The following LMLN variants were observed in gnomAD, a reference collection of about 807,000 sequenced individuals.
LMLN encodes the protein leishmanolysin like peptidase, also known as leishmanolysin-like peptidase.
Under a neutral mutation model 92.3 loss-of-function variants are expected in LMLN, and 70 were observed. The observed-to-expected ratio is 0.76, with a 90% CI of 0.63 to 0.92. The LOEUF is 0.92. Among genes scored for constraint, LMLN ranks in the 40% least tolerant of loss-of-function variants. LMLN has a pLI of 0.00. For synonymous variants in LMLN, 308 were observed against 296.2 expected, an observed-to-expected ratio of 1.04 and a Z score of -0.41; for missense variants, 691 against 814.6, an observed-to-expected ratio of 0.85 and a Z score of 1.85.
chr3:198,018,578 T>C (rs937848792), intron 11 of LMLN, among the ~76,000 whole-genome samples: 2 of 152,258 alleles, frequency 1.3e-5, no homozygotes, highest in African/African-American at 4.8e-5. Flanking sequence ...TAAAGATGTA[T>C]GCTGAGACAC....
chr3:198,032,360 G>T (rs1723100988), intron 14 of LMLN, among the ~76,000 whole-genome samples: 1 of 152,086 alleles, frequency 6.6e-6, no homozygotes, highest in Non-Finnish European at 1.5e-5. Flanking sequence ...TTTCATGATG[G>T]CATCCCAGCT....
chr3:197,980,296 C>G (rs751620178), intron 5 of LMLN, 30 bp from the exon 6 acceptor site: 1 of 1,592,142 alleles, frequency 6.3e-7, no homozygotes, highest in South Asian at 1.1e-5. Flanking sequence ...TGTCTCTGTT[C>G]TGGCTTTCTG....
chr3:197,975,994 A>T, intron 3 of LMLN, 35 bp from the exon 4 acceptor site: 2 of 1,245,374 alleles, frequency 1.6e-6, no homozygotes, highest in Non-Finnish European at 2.3e-6. Flanking sequence ...TCTTCCTTAT[A>T]ATTCTGTTTC....
At chr3:197,986,634 C>T (rs1051310428) in intron 8 of LMLN, among the ~76,000 whole-genome samples, 21 of 152,256 alleles carry the variant, frequency 1.4e-4, no homozygotes, top group African/African-American at 5.1e-4. Flanking sequence ...TATTTTCTGG[C>T]TGGCTTTGTT....
intron 4 of LMLN, 157 bp downstream of exon 4, chr3:197,976,268 C>A: frequency 1.9e-6 from 1 of 526,000 alleles, no homozygotes; most frequent in Non-Finnish European, 3.4e-6. Context: ...TAAAAAAGCA[C>A]CTGCTGGATA....
intron 6 of LMLN, among the ~76,000 whole-genome samples, chr3:197,982,986 T>C (rs1721601113): frequency 6.6e-6 from 1 of 152,210 alleles, no homozygotes; most frequent in Non-Finnish European, 1.5e-5. Flanking sequence ...CAGGATTGTT[T>C]TCTTCCAAGT....
At chr3:198,013,144 C>A (rs1722501320) in intron 11 of LMLN, among the ~76,000 whole-genome samples, 3 of 129,166 alleles carry the variant, frequency 2.3e-5, no homozygotes, top group Non-Finnish European at 4.8e-5. Flanking sequence ...CTCAGAGCCC[C>A]CTAACTAGTC....
chr3:197,996,849 A>T (rs1006701378), intron 10 of LMLN, among the ~76,000 whole-genome samples: 1 of 152,132 alleles, frequency 6.6e-6, no homozygotes, highest in Admixed American at 6.6e-5. Context: ...GCATGATCAT[A>T]GCACACTACA....
intron 8 of LMLN, among the ~76,000 whole-genome samples, chr3:197,989,599 C>A (rs1402251092): frequency 6.6e-6 from 1 of 152,188 alleles, no homozygotes; most frequent in African/African-American, 2.4e-5. Context: ...GGAAGTAATT[C>A]ATCGTCATCT....
intron 15 of LMLN, 97 bp downstream of exon 16, chr3:198,036,140 CAAGTT>C: frequency 9.2e-7 from 1 of 1,086,496 alleles, no homozygotes; most frequent in Non-Finnish European, 1.4e-6. Flanking sequence ...AGCTCTAAAA[CAAGTT>C]GAGTTTCTTC....
At chr3:197,962,767 CTTTT>C (rs200108423) in intron 1 of LMLN, among the ~76,000 whole-genome samples, 7 of 135,414 alleles carry the variant, frequency 5.2e-5, no homozygotes, top group Admixed American at 7.5e-5. Flanking sequence ...GATCAATATC[CTTTT>C]TTTTTTTTTT....
chr3:198,011,117 T>C (rs1299856927), intron 11 of LMLN, among the ~76,000 whole-genome samples: 1 of 150,090 alleles, frequency 6.7e-6, no homozygotes. Context: ...TTGATATAAG[T>C]TTTTTATTTT....
intron 11 of LMLN, among the ~76,000 whole-genome samples, chr3:198,012,639 A>C (rs980920100): frequency 7.3e-5 from 11 of 149,732 alleles, no homozygotes; most frequent in African/African-American, 2.7e-4. Flanking sequence ...AACTAGTCTG[A>C]CTTCTCTCCA....
chr3:197,972,803 G>A (rs558901930), intron 1 of LMLN, among the ~76,000 whole-genome samples: 4 of 151,632 alleles, frequency 2.6e-5, no homozygotes, highest in Admixed American at 6.6e-5. Flanking sequence ...GGGTTTTATC[G>A]CATACATATG....
chr3:197,975,471 A>ACACACACATGCACGCATG (rs1721343793), intron 3 of LMLN, among the ~76,000 whole-genome samples: 1 of 152,190 alleles, frequency 6.6e-6, no homozygotes, highest in African/African-American at 2.4e-5. Context: ...GTGTGGAGAC[A>ACACACACATGCACGCATG]CACACACATG....
chr3:197,960,462 C>T (rs373204764), intron 1 of LMLN, 22 bp downstream of exon 1: 2 of 1,604,862 alleles, frequency 1.2e-6, no homozygotes, highest in Admixed American at 1.7e-5. Flanking sequence ...TGGGCGGGAG[C>T]GGGCCCTCTC....
At chr3:198,035,542 T>C (rs1251405866) in intron 14 of LMLN, among the ~76,000 whole-genome samples, 1 of 151,754 alleles carries the variant, frequency 6.6e-6, no homozygotes, top group African/African-American at 2.4e-5. Flanking sequence ...TTTGTATTTT[T>C]AGTAGAGACA....
chr3:197,964,262 GT>G (rs1264358478), intron 1 of LMLN, among the ~76,000 whole-genome samples: 1 of 151,934 alleles, frequency 6.6e-6, no homozygotes, highest in Non-Finnish European at 1.5e-5. Flanking sequence ...TTAGATGACT[GT>G]TTTTTAACCT....
intron 9 of LMLN, among the ~76,000 whole-genome samples, chr3:197,991,873 T>TG (rs1285282193): frequency 3.3e-5 from 5 of 151,666 alleles, no homozygotes; most frequent in Non-Finnish European, 7.4e-5. Flanking sequence ...CTTTTTTTTT[T>TG]TTTTTTTGAG....
Sources: allele counts gnomAD v4.1 joint callset (sites outside exome capture counted in the v4.1 genomes callset), GRCh38; gene constraint gnomAD v4.1.1; transcripts MANE v1.5; gene names NCBI Gene and HGNC (gene_info 2026-07-23, HGNC 2026-07-21).